The following ELMO1 variants were observed in gnomAD, a reference collection of about 807,000 sequenced individuals.
The protein encoded by ELMO1 is engulfment and cell motility protein 1.
In ELMO1, 26 loss-of-function variants were observed where a neutral mutation model predicts 98.9. That is an observed-to-expected ratio of 0.26 (90% CI 0.19 to 0.36). ELMO1 has a LOEUF of 0.36. Among genes scored for constraint, ELMO1 ranks in the 10% least tolerant of loss-of-function variants. ELMO1 has a pLI of 1.00. For missense variants in ELMO1, 627 were observed against 935.2 expected (o/e 0.67, Z 4.30); for synonymous variants, 346 against 346.0 (o/e 1.00, Z 0.00).
At chr7:37,109,427 A>T (rs1231140297) in intron 14 of ELMO1, among the ~76,000 whole-genome samples, 2 of 152,184 alleles carry the variant, frequency 1.3e-5, no homozygotes, top group Non-Finnish European at 2.9e-5. Flanking sequence ...AGGAAAATGT[A>T]TGAGATGAGA....
At chr7:36,911,358 C>T (rs1239989917) in intron 16 of ELMO1, among the ~76,000 whole-genome samples, 9 of 152,044 alleles carry the variant, frequency 5.9e-5, no homozygotes, top group East Asian at 1.9e-4. Flanking sequence ...GAAAGAAAAA[C>T]GAGACATAGG....
At chr7:37,098,422 A>T (rs1784472683) in intron 14 of ELMO1, among the ~76,000 whole-genome samples, 1 of 152,250 alleles carries the variant, frequency 6.6e-6, no homozygotes. Context: ...AGAGAGTAAC[A>T]GGGAATGCTT....
chr7:36,866,297 T>C, intron 20 of ELMO1, among the ~76,000 whole-genome samples: 1 of 152,234 alleles, frequency 6.6e-6, no homozygotes, highest in Non-Finnish European at 1.5e-5. Context: ...CAAGTCTCAA[T>C]GAGAAACTTT....
At chr7:37,210,464 AAATATT>A (rs1340113044) in intron 13 of ELMO1, among the ~76,000 whole-genome samples, 4 of 151,580 alleles carry the variant, frequency 2.6e-5, no homozygotes, top group Non-Finnish European at 5.9e-5. Flanking sequence ...AACTATGTAT[AAATATT>A]ATTATTAGTA....
intron 16 of ELMO1, among the ~76,000 whole-genome samples, chr7:36,932,902 C>T (rs186830243): frequency 3.7e-4 from 57 of 152,330 alleles, no homozygotes; most frequent in African/African-American, 1.3e-3. Context: ...GAAATGCTTG[C>T]TCTCCATGTC....
At chr7:36,890,555 CTCTT>C (rs984636792) in intron 17 of ELMO1, among the ~76,000 whole-genome samples, 1 of 152,198 alleles carries the variant, frequency 6.6e-6, no homozygotes, top group Non-Finnish European at 1.5e-5. Context: ...CTTGACTTCT[CTCTT>C]TCTCTTACAC....
intron 15 of ELMO1, among the ~76,000 whole-genome samples, chr7:37,032,103 C>G (rs1242620545): frequency 1.3e-5 from 2 of 152,148 alleles, no homozygotes; most frequent in Non-Finnish European, 2.9e-5. Context: ...GAGAAACATC[C>G]TATTAGAGTG....
intron 16 of ELMO1, among the ~76,000 whole-genome samples, chr7:36,924,821 G>C (rs187970904): frequency 7.3e-4 from 111 of 152,268 alleles, no homozygotes; most frequent in Admixed American, 2.2e-3. Flanking sequence ...TGGTCTGGGG[G>C]AATAATTGAA....
chr7:37,004,836 C>T (rs552098605), intron 16 of ELMO1, among the ~76,000 whole-genome samples: 7 of 152,092 alleles, frequency 4.6e-5, no homozygotes, highest in South Asian at 4.1e-4. Flanking sequence ...ATGGGCCGGG[C>T]GCGGTGGCTC....
chr7:37,122,534 C>A (rs557117921), intron 14 of ELMO1, among the ~76,000 whole-genome samples: 24 of 151,824 alleles, frequency 1.6e-4, no homozygotes, highest in East Asian at 7.7e-4. Flanking sequence ...TCAAAAGAGA[C>A]GAAGAAGGCC....
chr7:37,354,063 C>T (rs1156888683), intron 1 of ELMO1, among the ~76,000 whole-genome samples: 1 of 152,252 alleles, frequency 6.6e-6, no homozygotes. Flanking sequence ...CTAGAAGTAA[C>T]TGCCCTGAAT....
chr7:36,981,650 C>T (rs1240726609), intron 16 of ELMO1, among the ~76,000 whole-genome samples: 1 of 151,998 alleles, frequency 6.6e-6, no homozygotes, highest in Admixed American at 6.6e-5. Context: ...GGCCAGAGAG[C>T]ACAGTAAATA....
At chr7:37,343,340 G>A (rs1800819254) in intron 1 of ELMO1, among the ~76,000 whole-genome samples, 1 of 152,120 alleles carries the variant, frequency 6.6e-6, no homozygotes, top group African/African-American at 2.4e-5. Flanking sequence ...CACCTTCGGT[G>A]GGGGGTGGGG....
chr7:37,194,580 T>C (rs919068744), intron 13 of ELMO1, among the ~76,000 whole-genome samples: 10 of 152,176 alleles, frequency 6.6e-5, no homozygotes, highest in African/African-American at 9.7e-5. Context: ...TTATCAAATA[T>C]CATCCAAACA....
At chr7:36,953,132 AT>A (rs1456722799) in intron 16 of ELMO1, among the ~76,000 whole-genome samples, 1 of 151,630 alleles carries the variant, frequency 6.6e-6, no homozygotes, top group Non-Finnish European at 1.5e-5. Flanking sequence ...CGCCCGGCTA[AT>A]TTTTTTGTAT....
intron 12 of ELMO1, 127 bp downstream of exon 12, chr7:37,213,208 G>A: frequency 7.9e-7 from 1 of 1,270,314 alleles, no homozygotes; most frequent in Non-Finnish European, 1.1e-6. Flanking sequence ...CCTAAGTTCT[G>A]AGATGATAAT....
chr7:37,298,404 T>A (rs1437915503), intron 4 of ELMO1, among the ~76,000 whole-genome samples: 1 of 146,842 alleles, frequency 6.8e-6, no homozygotes, highest in Non-Finnish European at 1.5e-5. Flanking sequence ...CTGCACCCAC[T>A]AACTCGTCAT....
At chr7:37,098,517 C>T (rs1270268712) in intron 14 of ELMO1, among the ~76,000 whole-genome samples, 1 of 152,156 alleles carries the variant, frequency 6.6e-6, no homozygotes, top group Non-Finnish European at 1.5e-5. Context: ...CTTGCTATGT[C>T]AAGGTATGTG....
At chr7:37,340,263 A>G (rs1403772183) in intron 2 of ELMO1, among the ~76,000 whole-genome samples, 2 of 152,220 alleles carry the variant, frequency 1.3e-5, no homozygotes, top group Non-Finnish European at 2.9e-5. Context: ...AATGGCTACA[A>G]TCTTAGGGAC....
Sources: gnomAD v4.1 joint callset for allele counts (sites outside exome capture counted in the v4.1 genomes callset) on GRCh38, gnomAD v4.1.1 for gene constraint, MANE v1.5 for transcripts, NCBI Gene and HGNC (gene_info 2026-07-23, HGNC 2026-07-21) for gene names.